GNAO1: variants seen among roughly 807,000 people sequenced by gnomAD.
GNAO1 encodes G protein subunit alpha o1.
For synonymous variants in GNAO1, 164 were observed against 180.7 expected (o/e 0.91, Z 0.74); for missense variants, 166 against 478.7 (o/e 0.35, Z 6.10).
rs2037459143 is a variant in GNAO1 at position 56,311,600 on chromosome 16, G to A, written c.304-17031G>A. Among the ~76,000 whole-genome samples, 1 of 152,120 alleles carries A rather than the reference G, an allele frequency of 6.6e-6. No homozygotes were observed. Among genetic ancestry groups the A allele is most frequent in the African/African-American group, 2.4e-5 (1 of 41,404 alleles). On this transcript the variant is annotated intron_variant, in intron 3 of 8. Transcript: ENST00000262493. This position sits in a 1 kb window ranked among gnomAD's most constrained non-coding sequence, Gnocchi z 5.2. ...CCCACCTGGCCCTGCGCTGAACTGA[G>A]AACCCGAGGAGCGCGTCCCCTCCCT...
At chr16:56,316,120 C>G (rs116185103) in intron 3 of GNAO1, among the ~76,000 whole-genome samples, 3,217 of 152,178 alleles carry the variant, frequency 0.021, 136 homozygotes, top group African/African-American at 0.073. Context: ...CGTGCCCTGC[C>G]AGGCCTCCAC....
chr16:56,192,411 C>A, intron 1 of GNAO1, 58 bp downstream of exon 1: 1 of 1,090,348 alleles, frequency 9.2e-7, no homozygotes, highest in Non-Finnish European at 1.4e-6. Context: ...CACCCCCTGC[C>A]ACCAGCTCCC....
At chr16:56,277,179 G>T (rs1229441770) in intron 3 of GNAO1, among the ~76,000 whole-genome samples, 1 of 152,254 alleles carries the variant, frequency 6.6e-6, no homozygotes, top group Non-Finnish European at 1.5e-5. Flanking sequence ...GTGACTGAGG[G>T]TATGTCCGAG....
intron 2 of GNAO1, among the ~76,000 whole-genome samples, chr16:56,249,880 T>C (rs545716976): frequency 7.5e-4 from 114 of 152,276 alleles, no homozygotes; most frequent in African/African-American, 2.6e-3. Context: ...TTAGCCCTCA[T>C]TGCACAGATT....
chr16:56,193,338 C>T (rs1268952565), intron 2 of GNAO1: 1 of 153,222 alleles, frequency 6.5e-6, no homozygotes, highest in South Asian at 2.1e-4. Context: ...GCCTGTGAGG[C>T]TGAATGTCCG....
At chr16:56,298,097 A>G (rs2037305716) in intron 3 of GNAO1, among the ~76,000 whole-genome samples, 1 of 152,214 alleles carries the variant, frequency 6.6e-6, no homozygotes, top group Admixed American at 6.5e-5. Flanking sequence ...ACTTGAGCCC[A>G]GGAGGTCGAG....
intron 3 of GNAO1, among the ~76,000 whole-genome samples, chr16:56,288,256 T>A (rs1198196279): frequency 6.6e-6 from 1 of 152,194 alleles, no homozygotes; most frequent in Non-Finnish European, 1.5e-5. Flanking sequence ...TGCTCAGAGC[T>A]CAGCTGGCGA....
At chr16:56,197,382 G>A (rs2036242729) in intron 2 of GNAO1, among the ~76,000 whole-genome samples, 1 of 152,200 alleles carries the variant, frequency 6.6e-6, no homozygotes, top group Non-Finnish European at 1.5e-5. Flanking sequence ...AGTGCGAACG[G>A]AATGTCAGAT....
At chr16:56,223,301 T>C (rs537899182) in intron 2 of GNAO1, among the ~76,000 whole-genome samples, 3 of 152,312 alleles carry the variant, frequency 2.0e-5, no homozygotes, top group East Asian at 1.9e-4. Context: ...CTGCCACATA[T>C]CTTGGCAGAG....
At chr16:56,344,620 G>C in intron 6 of GNAO1, 2 of 985,816 alleles carry the variant, frequency 2.0e-6, no homozygotes, top group Non-Finnish European at 2.4e-6. Flanking sequence ...ACTGATTTAT[G>C]GCTCAGATAG....
In GNAO1 at chr16:56,196,524, A is replaced by C. The variant is rs72814430; in HGVS notation, c.161+3908A>C. Among the ~76,000 whole-genome samples, 202 of 152,354 alleles carry C rather than the reference A, an allele frequency of 1.3e-3. 1 individual carries two copies. Among genetic ancestry groups the C allele is most frequent in the Non-Finnish European group, 2.6e-3 (175 of 68,036 alleles). ...AGAATATCACTTTAAGTGACTTCCC[A>C]GTTCTGAACAAATAGTGACACCCAC... is the stretch of plus-strand genomic sequence containing the variant. On this transcript the variant is annotated intron_variant, in intron 2 of 8. Transcript: ENST00000262493.
At chr16:56,192,728 A>G (rs74020181) in intron 2 of GNAO1, 112 bp downstream of exon 2, 196 of 390,114 alleles carry the variant, frequency 5.0e-4, no homozygotes, top group African/African-American at 4.7e-3. Context: ...TAATTCGTGC[A>G]CACACACACA....
intron 2 of GNAO1, among the ~76,000 whole-genome samples, chr16:56,227,599 G>A (rs1418917550): frequency 2.1e-5 from 3 of 142,870 alleles, no homozygotes; most frequent in Non-Finnish European, 3.0e-5. Context: ...AAGGCAAGAC[G>A]ATCACTTAAG....
intron 3 of GNAO1, among the ~76,000 whole-genome samples, chr16:56,289,859 C>A (rs1480611186): frequency 2.6e-5 from 4 of 152,176 alleles, no homozygotes; most frequent in African/African-American, 9.7e-5. Flanking sequence ...AATGTCCCTG[C>A]CCCAGTCCCC....
intron 3 of GNAO1, among the ~76,000 whole-genome samples, chr16:56,286,411 A>G (rs2037168293): frequency 1.3e-5 from 2 of 152,170 alleles, no homozygotes; most frequent in Non-Finnish European, 2.9e-5. Context: ...AGGCCCAGAG[A>G]GTCAGAAATT....
Position 56,284,207 on chromosome 16 carries a change from C to T in GNAO1, c.303+8135C>T, listed in dbSNP as rs370566973. 1.4e-4 allele frequency among the ~76,000 whole-genome samples: 22 copies of T among 152,338 alleles called. No individual in the cohort carries two copies. In the East Asian group the frequency reaches 1.9e-3, roughly 13 times the overall value. ...AAAGATGCAAAGATCAAGAGGCTCC[C>T]GGTCTTGGGCAGAGATGCCAGCCCC... is the stretch of plus-strand genomic sequence containing the variant. On this transcript the variant is annotated intron_variant, in intron 3 of 8. Coordinates refer to ENST00000262493, the MANE Select transcript of GNAO1 (RefSeq NM_020988.3).
At chr16:56,251,126 A>G (rs751530177) in intron 2 of GNAO1, among the ~76,000 whole-genome samples, 4 of 152,196 alleles carry the variant, frequency 2.6e-5, no homozygotes, top group Non-Finnish European at 4.4e-5. Flanking sequence ...TAGGCATCCC[A>G]CTTAATCCTA....
chr16:56,284,178 G>A (rs1174858914), intron 3 of GNAO1, among the ~76,000 whole-genome samples: 1 of 152,210 alleles, frequency 6.6e-6, no homozygotes, highest in Non-Finnish European at 1.5e-5. Context: ...GCAGAGGTGG[G>A]TACAAAGATG....
chr16:56,299,073 T>C, intron 3 of GNAO1, among the ~76,000 whole-genome samples: 1 of 152,314 alleles, frequency 6.6e-6, no homozygotes, highest in Non-Finnish European at 1.5e-5. Flanking sequence ...AACCTCATTT[T>C]ACAGATCAGG....
Sources: allele counts gnomAD v4.1 joint callset (sites outside exome capture counted in the v4.1 genomes callset), GRCh38; gene constraint gnomAD v4.1.1; non-coding constraint Gnocchi (gnomAD v3.1); transcripts MANE v1.5; gene names NCBI Gene and HGNC (gene_info 2026-07-23, HGNC 2026-07-21).